LCORL: variants seen among roughly 807,000 people sequenced by gnomAD.
The protein encoded by LCORL is ligand dependent nuclear receptor corepressor like, also known as ligand-dependent nuclear receptor corepressor-like protein.
A neutral mutation model predicts 141.8 loss-of-function variants in LCORL; 41 were observed. The observed-to-expected ratio is 0.29, with a 90% confidence interval of 0.23 to 0.38. LCORL has a LOEUF of 0.38. LCORL is among the 10% of genes least tolerant of loss of function. LCORL has a pLI of 1.00. For synonymous variants in LCORL, 618 were observed against 694.1 expected, an observed-to-expected ratio of 0.89 and a Z score of 1.72; for missense variants, 1,759 against 2,035.0, an observed-to-expected ratio of 0.86 and a Z score of 2.61.
At chr4:17,957,567 T>G (rs761791742) in intron 4 of LCORL, among the ~76,000 whole-genome samples, 16 of 151,966 alleles carry the variant, frequency 1.1e-4, no homozygotes, top group Non-Finnish European at 2.2e-4. Flanking sequence ...TGGGTGATGA[T>G]GGGATGAACT....
At chr4:17,883,736 C>T in intron 6 of LCORL, 1 of 1,539,730 alleles carries the variant, frequency 6.5e-7, no homozygotes, top group Non-Finnish European at 8.8e-7. Flanking sequence ...AGGCTTGCTG[C>T]TGTTTTTGCA....
chr4:17,856,880 CCTTT>C (rs887404381), intron 7 of LCORL, among the ~76,000 whole-genome samples: 27 of 152,288 alleles, frequency 1.8e-4, no homozygotes, highest in Admixed American at 2.6e-4. Flanking sequence ...CCTAGAAACT[CCTTT>C]CTATCATCCA....
intron 4 of LCORL, among the ~76,000 whole-genome samples, chr4:17,938,448 C>T (rs1291467325): frequency 7.2e-6 from 1 of 138,768 alleles, no homozygotes; most frequent in African/African-American, 2.7e-5. Flanking sequence ...TGGAGTTTCG[C>T]TCTTGTTGCC....
At chr4:17,942,265 A>G (rs1332081156) in intron 4 of LCORL, among the ~76,000 whole-genome samples, 1 of 152,134 alleles carries the variant, frequency 6.6e-6, no homozygotes, top group East Asian at 1.9e-4. Context: ...TTTTGTAAGG[A>G]CCACTATGGA....
At chr4:17,849,898 A>C (rs936264330) in intron 7 of LCORL, among the ~76,000 whole-genome samples, 1 of 151,896 alleles carries the variant, frequency 6.6e-6, no homozygotes, top group African/African-American at 2.4e-5. Context: ...AGGCTACAGT[A>C]ACCAAAACAG....
At chr4:17,922,103 T>C (rs1488963100) in intron 4 of LCORL, among the ~76,000 whole-genome samples, 1 of 152,168 alleles carries the variant, frequency 6.6e-6, no homozygotes, top group Non-Finnish European at 1.5e-5. Flanking sequence ...CTTCAACTTG[T>C]GATTGTGTGA....
chr4:18,018,065 A>AT lies in LCORL; in HGVS notation c.154+3532dup, dbSNP rs1160588451. ...TATTCTTCCAACTTTTAAGATTGAAATTACATCAAAATACAAAATTTTTAA... is the reference window on the plus strand; with the variant it reads ...TATTCTTCCAACTTTTAAGATTGAAATTTACATCAAAATACAAAATTTTTAA... On this transcript the variant is annotated intron_variant, in intron 1 of 7. Transcript: ENST00000635767. Among the ~76,000 whole-genome samples, 5 of 152,260 alleles carry AT rather than the reference A, an allele frequency of 3.3e-5. No homozygotes were observed. In the East Asian group the frequency reaches 9.6e-4, roughly 29 times the overall value.
At chr4:17,873,313 G>A in intron 7 of LCORL, 75 bp downstream of exon 7, 1 of 947,284 alleles carries the variant, frequency 1.1e-6, no homozygotes, top group Non-Finnish European at 1.4e-6. Context: ...TGCATCAGCT[G>A]TTCCTTTTCT....
chr4:17,957,233 G>A (rs1327478482), intron 4 of LCORL, among the ~76,000 whole-genome samples: 2 of 151,980 alleles, frequency 1.3e-5, no homozygotes, highest in South Asian at 4.1e-4. Flanking sequence ...TTAATGCCAT[G>A]GCTTCAAAGA....
chr4:17,907,662 T>C lies in LCORL; in HGVS notation c.682+1432A>G, dbSNP rs1390014179. Among the ~76,000 whole-genome samples, 4 of 152,306 alleles carry C rather than the reference T, an allele frequency of 2.6e-5. No individual in the cohort carries two copies. In the East Asian group the frequency reaches 7.7e-4, roughly 29 times the overall value. Reference sequence around the variant, plus strand: ...AACCCTTTGATTGTGAGGATTTTTTTTACCCATCTGTGGTGGCAGATATCA... The same window carrying C: ...AACCCTTTGATTGTGAGGATTTTTTCTACCCATCTGTGGTGGCAGATATCA... On this transcript the variant is annotated intron_variant, in intron 5 of 7. Coordinates refer to ENST00000635767, the Ensembl canonical transcript of LCORL.
intron 5 of LCORL, among the ~76,000 whole-genome samples, chr4:17,888,404 A>G (rs2109235949): frequency 6.6e-6 from 1 of 152,224 alleles, no homozygotes; most frequent in African/African-American, 2.4e-5. Flanking sequence ...CGTCTCATTT[A>G]TCTATGTAAC....
chr4:18,005,998 T>C (rs1560474450), intron 1 of LCORL, among the ~76,000 whole-genome samples: 1 of 152,194 alleles, frequency 6.6e-6, no homozygotes, highest in Non-Finnish European at 1.5e-5. Flanking sequence ...AATGGAACTT[T>C]CTTTTTTTCA....
Position 17,999,009 on chromosome 4 carries a change from C to CATAT in LCORL, c.154+22585_154+22588dup, listed in dbSNP as rs146713785. On this transcript the variant is annotated intron_variant, in intron 1 of 7. Coordinates refer to ENST00000635767, the Ensembl canonical transcript of LCORL. Reference sequence around the variant, plus strand: ...AAATATATATATATATATATACACACATATATATATATATATATATAGTAT... The same window carrying CATAT: ...AAATATATATATATATATATACACACATATATATATATATATATATATATAGTAT... Among the ~76,000 whole-genome samples, 86 of 99,420 alleles carry CATAT rather than the reference C, an allele frequency of 8.7e-4. 1 individual carries two copies. Among genetic ancestry groups the CATAT allele is most frequent in the East Asian group, 5.2e-3 (19 of 3,642 alleles). The allele number at this position is 99,420 out of a possible 152,430, so 65.2% of individuals were successfully genotyped here.
At chr4:17,863,577 G>A (rs931619333) in intron 7 of LCORL, among the ~76,000 whole-genome samples, 4 of 152,176 alleles carry the variant, frequency 2.6e-5, no homozygotes, top group African/African-American at 9.7e-5. Flanking sequence ...ATTTTGGAAA[G>A]CAATGTGGTG....
chr4:17,920,320 A>G (rs1734086233), intron 4 of LCORL, among the ~76,000 whole-genome samples: 1 of 152,210 alleles, frequency 6.6e-6, no homozygotes. Flanking sequence ...GAAATAGAGG[A>G]AAAAACGCAG....
intron 5 of LCORL, among the ~76,000 whole-genome samples, chr4:17,900,432 C>T (rs1234368273): frequency 6.6e-6 from 1 of 152,072 alleles, no homozygotes; most frequent in Non-Finnish European, 1.5e-5. Context: ...GACCTTAGAT[C>T]TTCATATGGA....
Position 17,989,690 on chromosome 4 carries a change from T to C in LCORL, c.155-16805A>G, listed in dbSNP as rs973727494. ...AAATGTCTTCATATTGTTCAAGTCA[T>C]AAAAATCATTAGTTGATCATTCAAG... On this transcript the variant is annotated intron_variant, in intron 1 of 7. Transcript: ENST00000635767. 4.6e-5 allele frequency among the ~76,000 whole-genome samples: 7 copies of C among 152,340 alleles called. No individual in the cohort carries two copies. In the South Asian group the frequency reaches 1.4e-3, roughly 32 times the overall value.
intron 4 of LCORL, among the ~76,000 whole-genome samples, chr4:17,937,935 A>C (rs2109456036): frequency 6.6e-6 from 1 of 152,172 alleles, no homozygotes; most frequent in East Asian, 1.9e-4. Context: ...ATAATTTTCA[A>C]ATTAGGTTAC....
intron 5 of LCORL, among the ~76,000 whole-genome samples, chr4:17,908,737 A>T (rs894532997): frequency 6.6e-6 from 1 of 152,156 alleles, no homozygotes; most frequent in African/African-American, 2.4e-5. Flanking sequence ...TCTCACTTAA[A>T]TACAAAAAAA....
Sources: gnomAD v4.1 joint callset for allele counts (sites outside exome capture counted in the v4.1 genomes callset) on GRCh38, gnomAD v4.1.1 for gene constraint, MANE v1.5 for transcripts, NCBI Gene and HGNC (gene_info 2026-07-23, HGNC 2026-07-21) for gene names.